The following STRN variants were observed in gnomAD, a reference collection of about 807,000 sequenced individuals.
STRN encodes protein phosphatase 2 regulatory subunit B'''alpha.
STRN carries 53 observed loss-of-function variants against 96.3 expected under a neutral mutation model. The ratio of observed to expected loss-of-function variants is 0.55; its 90% confidence interval spans 0.44 to 0.69. The LOEUF (loss-of-function observed/expected upper bound fraction) is 0.69. Ranked by LOEUF, STRN falls within the 30% of genes least tolerant of loss-of-function variation. The probability of loss-of-function intolerance (pLI) is 0.00; values close to 1 mark genes in which losing one functional copy is unlikely to be tolerated. For synonymous variants in STRN, 428 were observed against 355.9 expected (o/e 1.20, Z -2.28); for missense variants, 987 against 963.9 (o/e 1.02, Z -0.32).
At chr2:36,895,549 C>T (rs1294008505) in intron 6 of STRN, among the ~76,000 whole-genome samples, 2 of 151,972 alleles carry the variant, frequency 1.3e-5, no homozygotes, top group African/African-American at 4.8e-5. Context: ...AATGTGTATT[C>T]TTTTATAAAT....
chr2:36,863,134 G>A (rs2110943), intron 12 of STRN, among the ~76,000 whole-genome samples: 3 of 152,088 alleles, frequency 2.0e-5, no homozygotes, highest in African/African-American at 7.3e-5. Flanking sequence ...GTCTATTTAC[G>A]CTGTTGATCG....
intron 9 of STRN, among the ~76,000 whole-genome samples, chr2:36,879,857 C>T (rs1028847653): frequency 5.9e-5 from 9 of 151,852 alleles, no homozygotes; most frequent in Admixed American, 2.6e-4. Context: ...TGGCCAGGCT[C>T]GGAGGCTCAT....
chr2:36,941,051 G>C (rs1162111395), intron 1 of STRN, among the ~76,000 whole-genome samples: 3 of 152,132 alleles, frequency 2.0e-5, no homozygotes, highest in Non-Finnish European at 1.5e-5. Context: ...TACTTAGGGA[G>C]GCTGAGGTGG....
At chr2:36,854,673 A>G (rs1221281378) in intron 15 of STRN, among the ~76,000 whole-genome samples, 2 of 152,212 alleles carry the variant, frequency 1.3e-5, no homozygotes, top group Non-Finnish European at 2.9e-5. Context: ...TGTCTAGATT[A>G]TGGCTAACGA....
chr2:36,865,238 T>C (rs1290744606), intron 12 of STRN, among the ~76,000 whole-genome samples: 2 of 152,272 alleles, frequency 1.3e-5, no homozygotes, highest in Non-Finnish European at 2.9e-5. Context: ...ATCCATTTCT[T>C]CTACGTTTTC....
At chr2:36,949,785 G>C (rs1205349986) in intron 1 of STRN, among the ~76,000 whole-genome samples, 1 of 152,098 alleles carries the variant, frequency 6.6e-6, no homozygotes, top group African/African-American at 2.4e-5. Context: ...AGTTATAGTA[G>C]GTCATCCAGG....
At chr2:36,858,461 T>G (rs1572626537) in intron 13 of STRN, among the ~76,000 whole-genome samples, 1 of 152,352 alleles carries the variant, frequency 6.6e-6, no homozygotes, top group East Asian at 1.9e-4. Flanking sequence ...TTCACTTATC[T>G]TACTATATGA....
In STRN at chr2:36,869,567, C is replaced by T; in HGVS notation, c.1486G>A (p.Ala496Thr). Residue 496 changes from alanine to threonine, a missense_variant, in exon 11 of 18, where the codon GCC becomes ACC. Ala to Thr is a moderately conservative substitution (Grantham distance 58, BLOSUM62 0). Coordinates refer to ENST00000263918, the MANE Select transcript of STRN (RefSeq NM_003162.4). ...GAATATTCTCACTTTTTGGCTGGGG[C>T]TGTTTTCTGTAAATTCCACATTTTT... The part of the protein sequence containing the change: ...TLKMWNLQKT[A>T]PAKKSTSLDV... 2 of 1,560,720 alleles carry T rather than the reference C, an allele frequency of 1.3e-6. No individual in the cohort carries two copies. Among genetic ancestry groups the T allele is most frequent in the Admixed American group, 1.9e-5 (1 of 52,986 alleles).
At chr2:36,916,269 G>C (rs1670095905) in intron 2 of STRN, 118 bp from the exon 3 acceptor site, 1 of 816,562 alleles carries the variant, frequency 1.2e-6, no homozygotes, top group African/African-American at 1.7e-5. Context: ...ACTTTCAAAG[G>C]CTCATAGCTT....
intron 6 of STRN, 111 bp from the exon 7 acceptor site, chr2:36,894,144 T>G: frequency 8.3e-7 from 1 of 1,210,910 alleles, no homozygotes; most frequent in Non-Finnish European, 1.1e-6. Context: ...GTTAAATAAC[T>G]GTACTACCTA....
rs771746242 is a variant in STRN at position 36,857,898 on chromosome 2, T to C, written c.1795A>G (p.Thr599Ala). The change falls in exon 14 of 18, where the codon ACT (threonine) becomes GCT (alanine). Residue 599 changes from threonine (T) to alanine (A), a missense_variant. Physicochemically the swap from Thr to Ala is moderately conservative, Grantham distance 58. Transcript: ENST00000263918. ...ADGTLRLWNT[T>A]EVAPALSVFN... is the part of the protein sequence containing the mutation. ...ACACTTAGTGCTGGAGCAACCTCAG[T>C]TGTATTCCATAAACGCAGAGTGCCA... is the stretch of plus-strand genomic sequence containing the variant. 4 of 1,614,172 alleles carry C rather than the reference T, an allele frequency of 2.5e-6. No homozygotes were observed. Among genetic ancestry groups the C allele is most frequent in the South Asian group, 1.1e-5 (1 of 91,070 alleles).
At chr2:36,909,126 A>C (rs934274212) in intron 3 of STRN, among the ~76,000 whole-genome samples, 3 of 150,856 alleles carry the variant, frequency 2.0e-5, no homozygotes, top group Admixed American at 6.6e-5. Flanking sequence ...ACTGCACTGC[A>C]GCCTGGGCAA....
rs1667924117 is a variant in STRN at position 36,840,420 on chromosome 2, AG to A, written c.*9035del. On this transcript the variant is annotated 3_prime_UTR_variant, in exon 18 of 18. Coordinates refer to ENST00000263918, the MANE Select transcript of STRN (RefSeq NM_003162.4). ...GTGCAGTATAAAGACGTTGCTACTC[AG>A]GCATTTTGTTGCTACCTGTGAGGTA... 1 of 152,156 alleles carries A rather than the reference AG, an allele frequency of 6.6e-6. No homozygotes were observed. Among genetic ancestry groups the A allele is most frequent in the Non-Finnish European group, 1.5e-5 (1 of 68,036 alleles). The allele number at this position is 152,156 out of a possible 1,614,324, so 9.4% of individuals were successfully genotyped here.
At position 36,838,237 on chromosome 2, in the gene STRN, C is replaced by A. The variant is rs986542326; in HGVS notation, c.*11219G>T. ...CCTCTAAAGGATCAGATTTGACAGT[C>A]AGCTAGGAGACAGGGACCTCCATCC... On this transcript the variant is annotated 3_prime_UTR_variant, in exon 18 of 18. Coordinates refer to ENST00000263918, the MANE Select transcript of STRN (RefSeq NM_003162.4). 6.6e-6 allele frequency among the ~76,000 whole-genome samples: 1 copy of A among 152,210 alleles called. No individual in the cohort carries two copies. The highest frequency in any genetic ancestry group is 2.4e-5 in the African/African-American group (1 of 41,452).
intron 10 of STRN, among the ~76,000 whole-genome samples, chr2:36,874,167 G>A (rs1403463343): frequency 6.6e-6 from 1 of 151,888 alleles, no homozygotes; most frequent in Non-Finnish European, 1.5e-5. Context: ...GGATGGCTGA[G>A]GCAGGAGAAG....
chr2:36,913,479 G>A (rs917756207), intron 3 of STRN, among the ~76,000 whole-genome samples: 3 of 152,112 alleles, frequency 2.0e-5, no homozygotes, highest in African/African-American at 7.2e-5. Context: ...TTGTCCTTCA[G>A]ATGTCAAAAT....
At chr2:36,924,825 G>A (rs758237530) in intron 2 of STRN, among the ~76,000 whole-genome samples, 1 of 152,202 alleles carries the variant, frequency 6.6e-6, no homozygotes, top group Non-Finnish European at 1.5e-5. Context: ...AGGAGGCCGA[G>A]GTGGGCAGAT....
At chr2:36,865,772 G>A (rs1191421881) in intron 12 of STRN, among the ~76,000 whole-genome samples, 2 of 151,998 alleles carry the variant, frequency 1.3e-5, no homozygotes, top group African/African-American at 4.8e-5. Context: ...ATGTTGGCCA[G>A]GCTGGTCTCA....
chr2:36,933,061 C>T (rs975135365), intron 1 of STRN, among the ~76,000 whole-genome samples: 9 of 143,610 alleles, frequency 6.3e-5, no homozygotes, highest in Admixed American at 2.8e-4. Flanking sequence ...TTTTAATTTA[C>T]ACACACACAC....
Sources: allele counts gnomAD v4.1 joint callset (sites outside exome capture counted in the v4.1 genomes callset), GRCh38; gene constraint gnomAD v4.1.1; transcripts MANE v1.5; gene names NCBI Gene and HGNC (gene_info 2026-07-23, HGNC 2026-07-21).